Variants in SPOCK3 observed in about 807,000 individuals in gnomAD.
The protein encoded by SPOCK3 is testican-3.
SPOCK3 carries 30 observed loss-of-function variants against 56.6 expected under a neutral mutation model. The observed-to-expected ratio is 0.53, with a 90% CI of 0.40 to 0.72. SPOCK3 has a LOEUF of 0.72. Ranked by LOEUF, SPOCK3 falls within the 30% of genes least tolerant of loss-of-function variation. SPOCK3 has a pLI of 0.00. For missense variants in SPOCK3, 527 were observed against 530.0 expected, an observed-to-expected ratio of 0.99 and a Z score of 0.06; for synonymous variants, 196 against 183.3, an observed-to-expected ratio of 1.07 and a Z score of -0.56.
chr4:167,119,401 AT>A (rs1761686200), intron 2 of SPOCK3, among the ~76,000 whole-genome samples: 1 of 152,146 alleles, frequency 6.6e-6, no homozygotes, highest in Admixed American at 6.5e-5. Context: ...ATGTTTTAGG[AT>A]TTGACATCCC....
intron 4 of SPOCK3, among the ~76,000 whole-genome samples, chr4:166,967,175 C>G (rs1026446492): frequency 6.6e-6 from 1 of 152,140 alleles, no homozygotes; most frequent in African/African-American, 2.4e-5. Flanking sequence ...GCCCTGAATT[C>G]TAAGCTTGGA....
At chr4:166,753,492 A>T (rs931481029) in intron 8 of SPOCK3, among the ~76,000 whole-genome samples, 10 of 151,982 alleles carry the variant, frequency 6.6e-5, no homozygotes, top group African/African-American at 2.4e-4. Flanking sequence ...TACTCAACTA[A>T]AGCTTCTGTT....
intron 4 of SPOCK3, among the ~76,000 whole-genome samples, chr4:166,956,537 C>G (rs1192479850): frequency 6.6e-6 from 1 of 152,142 alleles, no homozygotes; most frequent in Non-Finnish European, 1.5e-5. Flanking sequence ...TATGAGACTT[C>G]ATCACACTAC....
intron 2 of SPOCK3, among the ~76,000 whole-genome samples, chr4:167,211,854 T>A (rs1260802456): frequency 6.6e-6 from 1 of 152,238 alleles, no homozygotes; most frequent in East Asian, 1.9e-4. Context: ...GACAAAAGCA[T>A]ACTTTTAATC....
intron 2 of SPOCK3, among the ~76,000 whole-genome samples, chr4:167,197,154 T>C (rs926304867): frequency 8.5e-5 from 13 of 152,176 alleles, no homozygotes; most frequent in African/African-American, 2.9e-4. Flanking sequence ...TTACCCAACC[T>C]TGAATTTCTA....
At chr4:166,849,709 C>T (rs1377967762) in intron 6 of SPOCK3, among the ~76,000 whole-genome samples, 12 of 152,098 alleles carry the variant, frequency 7.9e-5, no homozygotes, top group Admixed American at 7.9e-4. Flanking sequence ...TTTCGTCATG[C>T]AAAACTGCAA....
At chr4:166,958,332 T>G (rs1362281386) in intron 4 of SPOCK3, among the ~76,000 whole-genome samples, 1 of 152,192 alleles carries the variant, frequency 6.6e-6, no homozygotes, top group Non-Finnish European at 1.5e-5. Context: ...CAGACCCCAC[T>G]GTGCTTCCCT....
intron 6 of SPOCK3, among the ~76,000 whole-genome samples, chr4:166,795,342 C>T (rs1741822359): frequency 1.3e-5 from 2 of 152,086 alleles, no homozygotes; most frequent in Non-Finnish European, 2.9e-5. Context: ...AGATTCTTAG[C>T]ATTTATTATT....
intron 6 of SPOCK3, among the ~76,000 whole-genome samples, chr4:166,838,625 G>A (rs1746882860): frequency 6.7e-6 from 1 of 149,164 alleles, no homozygotes; most frequent in Non-Finnish European, 1.5e-5. Flanking sequence ...TTCATACTTG[G>A]TTACTGAAAT....
intron 3 of SPOCK3, among the ~76,000 whole-genome samples, chr4:167,059,996 T>C (rs903438225): frequency 6.8e-6 from 1 of 147,664 alleles, no homozygotes; most frequent in East Asian, 2.0e-4. Flanking sequence ...ACTCTGGGAC[T>C]GTTGTGGGGT....
At chr4:166,763,190 C>T (rs765206015) in intron 7 of SPOCK3, among the ~76,000 whole-genome samples, 4 of 151,406 alleles carry the variant, frequency 2.6e-5, no homozygotes, top group Non-Finnish European at 5.9e-5. Flanking sequence ...AAATTCTGCA[C>T]AGAGGAACAG....
At chr4:167,007,978 T>C (rs1016516746) in intron 3 of SPOCK3, among the ~76,000 whole-genome samples, 1 of 152,128 alleles carries the variant, frequency 6.6e-6, no homozygotes, top group African/African-American at 2.4e-5. Context: ...TTCACATGTT[T>C]CTAAGTGTCA....
intron 7 of SPOCK3, among the ~76,000 whole-genome samples, chr4:166,788,320 A>G (rs550376961): frequency 3.3e-5 from 5 of 152,312 alleles, no homozygotes; most frequent in African/African-American, 1.2e-4. Context: ...AATCTCCAAG[A>G]ACTTTTGGCA....
At chr4:166,767,149 TC>T (rs1738203256) in intron 7 of SPOCK3, among the ~76,000 whole-genome samples, 1 of 152,188 alleles carries the variant, frequency 6.6e-6, no homozygotes, top group African/African-American at 2.4e-5. Context: ...GCTTCTGGAT[TC>T]ATTGATTTTT....
At chr4:166,809,500 A>G (rs2126718855) in intron 6 of SPOCK3, among the ~76,000 whole-genome samples, 1 of 152,210 alleles carries the variant, frequency 6.6e-6, no homozygotes, top group African/African-American at 2.4e-5. Context: ...AACAATTCTG[A>G]TACATATTTA....
chr4:167,122,359 A>G (rs1184678769), intron 2 of SPOCK3, among the ~76,000 whole-genome samples: 1 of 152,116 alleles, frequency 6.6e-6, no homozygotes, highest in Non-Finnish European at 1.5e-5. Context: ...CATGTTGCCC[A>G]AGCTGGTCTA....
At chr4:166,755,778 A>G (rs1736986935) in intron 7 of SPOCK3, among the ~76,000 whole-genome samples, 1 of 150,554 alleles carries the variant, frequency 6.6e-6, no homozygotes, top group Admixed American at 6.6e-5. Flanking sequence ...AGCTAATTTT[A>G]TGTTCTAGTA....
At chr4:166,868,056 A>G (rs7440269) in intron 6 of SPOCK3, among the ~76,000 whole-genome samples, 15,637 of 151,962 alleles carry the variant, frequency 0.1, 1,138 homozygotes, top group East Asian at 0.4. Flanking sequence ...TTGTAATTTT[A>G]AGGAAATAAA....
chr4:167,124,435 A>C (rs557162907), intron 2 of SPOCK3, among the ~76,000 whole-genome samples: 1 of 152,296 alleles, frequency 6.6e-6, no homozygotes, highest in South Asian at 2.1e-4. Context: ...TCAGGTTTTC[A>C]TGCAGTCAGA....
Sources: gnomAD v4.1 joint callset for allele counts (sites outside exome capture counted in the v4.1 genomes callset) on GRCh38, gnomAD v4.1.1 for gene constraint, MANE v1.5 for transcripts, NCBI Gene and HGNC (gene_info 2026-07-23, HGNC 2026-07-21) for gene names.